The following HIP1 variants were observed in gnomAD, a reference collection of about 807,000 sequenced individuals.
HIP1 encodes huntingtin interacting protein 1.
In HIP1, 65 loss-of-function variants were observed where a neutral mutation model predicts 147.6. That is an observed-to-expected ratio of 0.44 (90% CI 0.36 to 0.54). HIP1 has a LOEUF of 0.54. HIP1 is among the 20% of genes least tolerant of loss of function. The pLI is 0.00. For synonymous variants in HIP1, 479 were observed against 504.0 expected, an observed-to-expected ratio of 0.95 and a Z score of 0.67; for missense variants, 1,061 against 1,299.6, an observed-to-expected ratio of 0.82 and a Z score of 2.82.
At chr7:75,682,206 C>G (rs1259914087) in intron 1 of HIP1, among the ~76,000 whole-genome samples, 1 of 150,244 alleles carries the variant, frequency 6.7e-6, no homozygotes, top group East Asian at 2.0e-4. Flanking sequence ...ATCCACCCAC[C>G]TGGCCTCCCA....
intron 1 of HIP1, among the ~76,000 whole-genome samples, chr7:75,642,710 G>T (rs1448422132): frequency 6.6e-6 from 1 of 152,164 alleles, no homozygotes; most frequent in Non-Finnish European, 1.5e-5. Context: ...GCTTAGAAGT[G>T]TCTTTCTCAT....
rs115326061 is a variant in HIP1 at position 75,595,028 on chromosome 7, G to T, written c.185-2514C>A. On this transcript the variant is annotated intron_variant, in intron 2 of 30. Coordinates refer to ENST00000336926, the MANE Select transcript of HIP1 (RefSeq NM_005338.7). ...TTTAGGGCAGAAGGACTCATCTCAG[G>T]TAGGAAACTAAATGACTCACCCAGA... Among the ~76,000 whole-genome samples the T allele has an allele frequency of 9.6e-3, 1,462 of 152,214 alleles. 24 individuals are homozygous for T. Among genetic ancestry groups the T allele is most frequent in the African/African-American group, 0.034 (1,392 of 41,528 alleles).
At chr7:75,664,334 A>ATG (rs1799470103) in intron 1 of HIP1, among the ~76,000 whole-genome samples, 2 of 146,212 alleles carry the variant, frequency 1.4e-5, no homozygotes. Flanking sequence ...ACATGCATAT[A>ATG]TATGTGTGTA....
At chr7:75,684,188 T>C (rs1800181977) in intron 1 of HIP1, among the ~76,000 whole-genome samples, 1 of 151,864 alleles carries the variant, frequency 6.6e-6, no homozygotes. Context: ...GACTCACACC[T>C]GTAATCCCAG....
chr7:75,628,561 C>T (rs1798116961), intron 1 of HIP1, among the ~76,000 whole-genome samples: 1 of 151,252 alleles, frequency 6.6e-6, no homozygotes, highest in Admixed American at 6.6e-5. Context: ...TCACTCCAAC[C>T]TCTGCCTCCC....
chr7:75,616,055 C>T (rs781902006), intron 1 of HIP1, among the ~76,000 whole-genome samples: 2 of 122,196 alleles, frequency 1.6e-5, no homozygotes, highest in African/African-American at 6.6e-5. Context: ...CACTGCACTC[C>T]AGCCTGGGCG....
intron 1 of HIP1, among the ~76,000 whole-genome samples, chr7:75,651,511 A>G (rs1195244503): frequency 2.0e-5 from 3 of 150,534 alleles, no homozygotes; most frequent in Non-Finnish European, 4.4e-5. Flanking sequence ...TCCACACTGT[A>G]AAAACATCCC....
At chr7:75,548,257 G>A (rs1399279540) in intron 23 of HIP1, among the ~76,000 whole-genome samples, 1 of 151,988 alleles carries the variant, frequency 6.6e-6, no homozygotes, top group African/African-American at 2.4e-5. Flanking sequence ...TCAAACTCCT[G>A]ACCTCATGAT....
intron 1 of HIP1, among the ~76,000 whole-genome samples, chr7:75,639,653 C>T (rs1324828944): frequency 3.3e-5 from 5 of 150,542 alleles, no homozygotes; most frequent in Admixed American, 2.7e-4. Flanking sequence ...GTGGTGGGAT[C>T]AGTGGGACTC....
At chr7:75,639,316 G>A (rs1182415109) in intron 1 of HIP1, 1 of 248,436 alleles carries the variant, frequency 4.0e-6, no homozygotes, top group Non-Finnish European at 6.3e-6. Flanking sequence ...CGCGCCGGGG[G>A]CGGGGGAGGC....
chr7:75,736,931 C>T (rs1048875996), intron 1 of HIP1, among the ~76,000 whole-genome samples: 10 of 151,142 alleles, frequency 6.6e-5, no homozygotes, highest in Non-Finnish European at 1.5e-5. Context: ...CTTTTTTTCA[C>T]TTTTTTGTAG....
intron 1 of HIP1, among the ~76,000 whole-genome samples, chr7:75,670,285 G>A (rs1554515134): frequency 1.3e-5 from 2 of 151,836 alleles, no homozygotes; most frequent in African/African-American, 4.8e-5. Context: ...CGGGTAGCTG[G>A]GACTACAGGC....
At chr7:75,646,612 T>G (rs1302824532) in intron 1 of HIP1, among the ~76,000 whole-genome samples, 1 of 152,222 alleles carries the variant, frequency 6.6e-6, no homozygotes, top group East Asian at 1.9e-4. Flanking sequence ...GTCATCCGCC[T>G]GCCTGTTCCT....
chr7:75,631,474 G>A (rs782367149), intron 1 of HIP1, among the ~76,000 whole-genome samples: 2 of 152,052 alleles, frequency 1.3e-5, no homozygotes, highest in Non-Finnish European at 2.9e-5. Flanking sequence ...GGATGCAGAC[G>A]AGCCTCCCTT....
intron 1 of HIP1, among the ~76,000 whole-genome samples, chr7:75,730,200 G>T (rs1247583868): frequency 3.0e-4 from 46 of 152,166 alleles, no homozygotes; most frequent in Admixed American, 3.0e-3. Flanking sequence ...AGGTAAAAGA[G>T]AAGTGGGGTG....
chr7:75,708,310 A>G (rs990553281), intron 1 of HIP1, among the ~76,000 whole-genome samples: 2 of 152,084 alleles, frequency 1.3e-5, no homozygotes, highest in African/African-American at 2.4e-5. Context: ...TGCCTTTTTT[A>G]ATGTTGATAG....
intron 18 of HIP1, among the ~76,000 whole-genome samples, 182 bp downstream of exon 18, chr7:75,555,844 C>T (rs41281084): frequency 7.2e-5 from 11 of 152,282 alleles, no homozygotes; most frequent in Non-Finnish European, 1.5e-4. Flanking sequence ...TTTGCTTTCC[C>T]TCATGGACTC....
intron 1 of HIP1, among the ~76,000 whole-genome samples, chr7:75,676,783 A>G (rs1447656770): frequency 6.8e-6 from 1 of 146,676 alleles, no homozygotes; most frequent in Non-Finnish European, 1.5e-5. Flanking sequence ...TCTCAAAGAA[A>G]AAAAAAAAAA....
intron 1 of HIP1, among the ~76,000 whole-genome samples, chr7:75,636,206 G>A (rs1798423158): frequency 6.6e-6 from 1 of 151,632 alleles, no homozygotes; most frequent in Non-Finnish European, 1.5e-5. Flanking sequence ...GCTGGGCATG[G>A]TAGTGCTGGG....
Sources: allele counts gnomAD v4.1 joint callset (sites outside exome capture counted in the v4.1 genomes callset), GRCh38; gene constraint gnomAD v4.1.1; transcripts MANE v1.5; gene names NCBI Gene and HGNC (gene_info 2026-07-23, HGNC 2026-07-21).